CALD1: variants seen among roughly 807,000 people sequenced by gnomAD.
CALD1 encodes the protein caldesmon 1, also known as caldesmon.
A neutral mutation model predicts 99.9 loss-of-function variants in CALD1; 33 were observed. That is an observed-to-expected ratio of 0.33 (90% CI 0.25 to 0.44). The LOEUF (loss-of-function observed/expected upper bound fraction) is 0.44. CALD1 is among the 20% of genes least tolerant of loss of function. The pLI is 1.00. For missense variants in CALD1, 861 were observed against 962.1 expected (o/e 0.89, Z 1.39); for synonymous variants, 310 against 325.0 (o/e 0.95, Z 0.50).
At position 134,933,258 on chromosome 7, in the gene CALD1, G is replaced by A. The variant is rs1805676743; in HGVS notation, c.489G>A (p.Glu163=). Residue 163 remains glutamate (E), a synonymous_variant, in exon 5 of 15, where the codon GAG becomes GAA. Coordinates refer to ENST00000361675, the MANE Select transcript of CALD1 (RefSeq NM_033138.4). ...SESRQERYEI[E]ETETVTKSYQ... is the part of the protein sequence containing the mutation. ...GTCGCCAAGAAAGATACGAGATAGA[G>A]GAAACAGAAACAGTCACCAAGTCCT... The A allele has an allele frequency of 1.9e-6, 3 of 1,607,658 alleles. No homozygotes were observed. In the African/African-American group the frequency reaches 4.1e-5, roughly 22 times the overall value.
At chr7:134,956,203 C>T (rs1176298625) in intron 9 of CALD1, among the ~76,000 whole-genome samples, 1 of 151,770 alleles carries the variant, frequency 6.6e-6, no homozygotes, top group African/African-American at 2.4e-5. Context: ...ATCTATAAAA[C>T]TGTTATTCAA....
At chr7:134,956,580 A>G (rs1277385921) in intron 9 of CALD1, among the ~76,000 whole-genome samples, 2 of 152,184 alleles carry the variant, frequency 1.3e-5, no homozygotes, top group Non-Finnish European at 2.9e-5. Flanking sequence ...CATGCTGGCA[A>G]CCTAATCTTA....
intron 13 of CALD1, chr7:134,960,978 T>A (rs1285092456): frequency 6.1e-6 from 1 of 164,060 alleles, no homozygotes; most frequent in African/African-American, 2.4e-5. Context: ...CACATCATTT[T>A]GGCTACTTCT....
intron 3 of CALD1, among the ~76,000 whole-genome samples, chr7:134,919,270 C>A (rs1804440598): frequency 6.6e-6 from 1 of 152,138 alleles, no homozygotes; most frequent in Non-Finnish European, 1.5e-5. Flanking sequence ...TCAGTACTCC[C>A]TGGGTGCCTT....
At chr7:134,714,486 C>T in the CALD1 span, among the ~76,000 whole-genome samples, 4 of 152,274 alleles carry the variant, frequency 2.6e-5, no homozygotes, top group Admixed American at 2.6e-4. Context: ...TCATCTTAGG[C>T]CACTCCTGTC....
intron 3 of CALD1, chr7:134,920,529 A>G: frequency 8.3e-7 from 1 of 1,208,342 alleles, no homozygotes; most frequent in South Asian, 1.5e-5. Flanking sequence ...TGTGGCCTTC[A>G]TGGGGAGTGT....
intron 1 of CALD1, among the ~76,000 whole-genome samples, chr7:134,772,095 CT>C (rs11427929): frequency 0.03 from 4,070 of 137,918 alleles, 53 homozygotes; most frequent in Non-Finnish European, 0.037. Context: ...AATAAATGAA[CT>C]TTTTTTTTTT....
Position 134,970,160 on chromosome 7 carries a change from T to C in CALD1, c.*1815T>C, listed in dbSNP as rs1431061579. ...CCTCATGACAAAGTAGGCACAAGTC[T>C]ACAATAAGCTAAATCAGAATTTACA... On this transcript the variant is annotated 3_prime_UTR_variant, in exon 15 of 15. Coordinates refer to ENST00000361675, the MANE Select transcript of CALD1 (RefSeq NM_033138.4). The C allele has an allele frequency of 3.9e-5, 6 of 152,230 alleles. No homozygotes were observed. Among genetic ancestry groups the C allele is most frequent in the Admixed American group, 3.9e-4 (6 of 15,280 alleles). The allele number at this position is 152,230 out of a possible 1,614,324, so 9.4% of individuals were successfully genotyped here.
chr7:134,873,243 G>C (rs1485782680), intron 3 of CALD1, among the ~76,000 whole-genome samples: 1 of 151,734 alleles, frequency 6.6e-6, no homozygotes, highest in South Asian at 2.1e-4. Context: ...ACTATATTCT[G>C]CTTCCCTTTC....
chr7:134,873,534 G>A (rs989209005), intron 3 of CALD1, among the ~76,000 whole-genome samples: 2 of 152,232 alleles, frequency 1.3e-5, no homozygotes, highest in African/African-American at 4.8e-5. Context: ...CATTTTATGT[G>A]TGTCTAGTAA....
At chr7:134,718,041 AT>A in the CALD1 span, among the ~76,000 whole-genome samples, 1 of 152,064 alleles carries the variant, frequency 6.6e-6, no homozygotes, top group Admixed American at 6.6e-5. Context: ...TTTGGTACCT[AT>A]TTTTCTTTTT....
chr7:134,725,913 G>C, the CALD1 span, among the ~76,000 whole-genome samples: 1 of 152,182 alleles, frequency 6.6e-6, no homozygotes, highest in East Asian at 1.9e-4. Flanking sequence ...GAAGAGGTCA[G>C]GAATGAATTC....
At chr7:134,763,831 T>C (rs997820279) in intron 1 of CALD1, among the ~76,000 whole-genome samples, 1 of 150,970 alleles carries the variant, frequency 6.6e-6, no homozygotes, top group African/African-American at 2.4e-5. Context: ...GGCATGAGAA[T>C]TGTTGGAACC....
At chr7:134,875,373 C>T (rs371456760) in intron 3 of CALD1, among the ~76,000 whole-genome samples, 58 of 152,320 alleles carry the variant, frequency 3.8e-4, no homozygotes, top group Non-Finnish European at 3.7e-4. Context: ...CGGTGGCTCA[C>T]GCCTGTAATC....
At chr7:134,952,021 C>T (rs949799685) in intron 9 of CALD1, among the ~76,000 whole-genome samples, 11 of 152,172 alleles carry the variant, frequency 7.2e-5, no homozygotes, top group African/African-American at 2.7e-4. Flanking sequence ...CCAGGTCTGG[C>T]CGGGCACAGT....
At chr7:134,718,980 C>G in the CALD1 span, among the ~76,000 whole-genome samples, 1 of 152,180 alleles carries the variant, frequency 6.6e-6, no homozygotes, top group African/African-American at 2.4e-5. Context: ...CTCACCCATG[C>G]TAGCCTCATG....
chr7:134,906,432 T>C (rs763280093), intron 3 of CALD1, among the ~76,000 whole-genome samples: 6 of 152,158 alleles, frequency 3.9e-5, no homozygotes, highest in Non-Finnish European at 5.9e-5. Flanking sequence ...GATTGTAAAA[T>C]AGAGCAATCA....
At chr7:134,803,380 T>C (rs2131859252) in intron 1 of CALD1, among the ~76,000 whole-genome samples, 1 of 152,314 alleles carries the variant, frequency 6.6e-6, no homozygotes, top group Non-Finnish European at 1.5e-5. Flanking sequence ...TTTTATATTT[T>C]AATGAAATCC....
Position 134,783,876 on chromosome 7 carries a change from T to G in CALD1, c.-130+4127T>G, listed in dbSNP as rs935181698. Among the ~76,000 whole-genome samples the G allele has an allele frequency of 6.6e-6, 1 of 151,988 alleles. No individual in the cohort carries two copies. Among genetic ancestry groups the G allele is most frequent in the Admixed American group, 6.6e-5 (1 of 15,266 alleles). On this transcript the variant is annotated intron_variant, in intron 1 of 14. Coordinates refer to ENST00000361675, the MANE Select transcript of CALD1 (RefSeq NM_033138.4). The surrounding 1 kb of genome is among the most constrained non-coding windows in gnomAD (Gnocchi z 4.3). The stretch of plus-strand genomic sequence containing the variant: ...AATACACAGATATATAGGTGGAGAT[T>G]GCGTCATATGACCTCCATTTCAAAG...
Sources: allele counts gnomAD v4.1 joint callset (sites outside exome capture counted in the v4.1 genomes callset), GRCh38; gene constraint gnomAD v4.1.1; non-coding constraint Gnocchi (gnomAD v3.1); transcripts MANE v1.5; gene names NCBI Gene and HGNC (gene_info 2026-07-23, HGNC 2026-07-21).